The following ADSS1 variants were observed in gnomAD, a reference collection of about 807,000 sequenced individuals.
ADSS1 encodes the protein adenylosuccinate synthetase isozyme 1.
A neutral mutation model predicts 59.1 loss-of-function variants in ADSS1; 57 were observed. The observed-to-expected ratio is 0.97, with a 90% CI of 0.78 to 1.20. The LOEUF (loss-of-function observed/expected upper bound fraction) is 1.20. ADSS1 is among the 50% of genes most tolerant of loss of function. The pLI is 0.00. For synonymous variants in ADSS1, 247 were observed against 249.4 expected (o/e 0.99, Z 0.09); for missense variants, 603 against 610.3 (o/e 0.99, Z 0.13).
At chr14:104,730,771 G>A (rs971356367) in intron 1 of ADSS1, among the ~76,000 whole-genome samples, 1 of 152,046 alleles carries the variant, frequency 6.6e-6, no homozygotes, top group African/African-American at 2.4e-5. Flanking sequence ...TGCCTTCCCT[G>A]GCCCCCAGAG....
At position 104,741,115 on chromosome 14, in the gene ADSS1, A is replaced by G; in HGVS notation, c.667-2A>G. Reference sequence around the variant, plus strand: ...ACTCTGCTGCTTGGCCCTTCCTTGCAGGGCTTTGCTGAGCGGATCAGACCC... The same window carrying G: ...ACTCTGCTGCTTGGCCCTTCCTTGCGGGGCTTTGCTGAGCGGATCAGACCC... On this transcript the variant is annotated splice_acceptor_variant, in intron 7 of 12. Transcript: ENST00000330877. LOFTEE classifies it high-confidence loss of function. 1 of 1,597,326 alleles carries G rather than the reference A, an allele frequency of 6.3e-7. No individual in the cohort carries two copies. Among genetic ancestry groups the G allele is most frequent in the Non-Finnish European group, 8.5e-7 (1 of 1,169,800 alleles).
intron 7 of ADSS1, 82 bp from the exon 8 acceptor site, chr14:104,741,035 T>C: frequency 3.8e-6 from 6 of 1,593,530 alleles, no homozygotes; most frequent in East Asian, 2.2e-5. Context: ...GGCATTGTTA[T>C]GGGCTGGCCA....
At chr14:104,730,591 GAT>G (rs1446820776) in intron 1 of ADSS1, among the ~76,000 whole-genome samples, 3 of 152,116 alleles carry the variant, frequency 2.0e-5, no homozygotes, top group African/African-American at 7.2e-5. Flanking sequence ...GGTGTAGAGA[GAT>G]ATTTACTTAT....
intron 1 of ADSS1, among the ~76,000 whole-genome samples, chr14:104,734,393 G>A (rs992858172): frequency 6.6e-6 from 1 of 152,210 alleles, no homozygotes; most frequent in Non-Finnish European, 1.5e-5. Context: ...GGAAGCGAAG[G>A]CAGTGGCATC....
intron 1 of ADSS1, among the ~76,000 whole-genome samples, chr14:104,732,430 G>A (rs1235994288): frequency 1.3e-5 from 2 of 152,198 alleles, no homozygotes; most frequent in Non-Finnish European, 1.5e-5. Context: ...TGGGGCCATC[G>A]TCCTGGGCTC....
At chr14:104,738,302 C>A in intron 2 of ADSS1, 74 bp from the exon 3 acceptor site, 3 of 1,531,558 alleles carry the variant, frequency 2.0e-6, no homozygotes, top group Non-Finnish European at 2.7e-6. Context: ...CCACCCATTT[C>A]ATGCTGTTCT....
intron 8 of ADSS1, among the ~76,000 whole-genome samples, chr14:104,741,628 T>G (rs529787370): frequency 9.9e-5 from 15 of 152,200 alleles, no homozygotes. Flanking sequence ...GTGGGCAACT[T>G]TCTCCCTCCT....
rs1891285827 is a variant in ADSS1 at position 104,740,092 on chromosome 14, AC to A, written c.476+278del. On this transcript the variant is annotated intron_variant, in intron 5 of 12. Coordinates refer to ENST00000330877, the MANE Select transcript of ADSS1 (RefSeq NM_152328.5). This position sits in a 1 kb window ranked among gnomAD's most constrained non-coding sequence, Gnocchi z 4.8. ...AGCCCTACCGTCACCTGTCACACCC[AC>A]CACCTTTCCTGACTCCACACGGCCC... is the stretch of plus-strand genomic sequence containing the variant. Among the ~76,000 whole-genome samples, 3 of 151,998 alleles carry A rather than the reference AC, an allele frequency of 2.0e-5. No individual in the cohort carries two copies. In the South Asian group the frequency reaches 6.2e-4, roughly 32 times the overall value.
At position 104,740,834 on chromosome 14, in the gene ADSS1, T is replaced by G. The variant is rs200895321; in HGVS notation, c.585-5T>G. Reference sequence around the variant, plus strand: ...AGGGGGTGATGATGACTGTCCCTTGTGCAGATTCAAGAACCTGGCCCACCA... The same window carrying G: ...AGGGGGTGATGATGACTGTCCCTTGGGCAGATTCAAGAACCTGGCCCACCA... On this transcript the variant is annotated splice_region_variant and splice_polypyrimidine_tract_variant and intron_variant, in intron 6 of 12. Transcript: ENST00000330877. The surrounding 1 kb of genome is among the most constrained non-coding windows in gnomAD (Gnocchi z 4.8). 5.5e-4 allele frequency: 882 copies of G among 1,613,884 alleles called. 9 individuals carry two copies. In the South Asian group the frequency reaches 9.1e-3, roughly 17 times the overall value.
At chr14:104,734,472 A>G (rs943677700) in intron 1 of ADSS1, among the ~76,000 whole-genome samples, 1 of 152,198 alleles carries the variant, frequency 6.6e-6, no homozygotes, top group Non-Finnish European at 1.5e-5. Flanking sequence ...GAGCCTGCAC[A>G]TGCTAGTCCC....
rs938452100 is a variant in ADSS1, at chr14:104,724,262, C to T, written c.-9C>T. On this transcript the variant is annotated 5_prime_UTR_variant, in exon 1 of 13. Transcript: ENST00000330877. ...GGCCGGGCCAGCGCAGCGGAAGAGC[C>T]AAGCCAGCATGTCGGGGACCCGAGC... 14 of 1,226,898 alleles carry T rather than the reference C, an allele frequency of 1.1e-5. No homozygotes were observed. The highest frequency in any genetic ancestry group is 1.6e-5 in the African/African-American group (1 of 64,046). The allele number at this position is 1,226,898 out of a possible 1,614,324, so 76.0% of individuals were successfully genotyped here.
In ADSS1 at chr14:104,735,060, AAG is replaced by A. The variant is rs1407492622; in HGVS notation, c.236_237del (p.Glu79ValfsTer32). 6.2e-7 allele frequency: 1 copy of A among 1,613,668 alleles called. No homozygotes were observed. The highest frequency in any genetic ancestry group is 1.7e-5 in the Admixed American group (1 of 60,016). On this transcript the variant is annotated frameshift_variant, in exon 2 of 13. Coordinates refer to ENST00000330877, the MANE Select transcript of ADSS1 (RefSeq NM_152328.5). LOFTEE classifies it high-confidence loss of function. ...GGCCACACGGTGGTGGTGGATGGGAAAGAGTACGACTTCCACCTGCTGCCCAG... is the reference window on the plus strand; with the variant it reads ...GGCCACACGGTGGTGGTGGATGGGAAAGTACGACTTCCACCTGCTGCCCAG...
chr14:104,724,903 T>A (rs1472393571), intron 1 of ADSS1, among the ~76,000 whole-genome samples: 1 of 152,106 alleles, frequency 6.6e-6, no homozygotes, highest in Non-Finnish European at 1.5e-5. Context: ...GGATAGGGCT[T>A]ACCTGGCTCC....
rs755536909 is a variant in ADSS1, at chr14:104,740,666, G to A, written c.542G>A (p.Arg181His). ...TCCAAAGCTGCCCGGACAGGCCTCC[G>A]CATCTGCGACCTCCTGTCAGATTTT... The part of the protein sequence containing the change: ...YSSKAARTGL[R>H]ICDLLSDFDE... Residue 181 changes from arginine (R) to histidine (H), a missense_variant, in exon 6 of 13, where the codon CGC becomes CAC. Arg to His is a conservative substitution (Grantham distance 29). Coordinates refer to ENST00000330877, the MANE Select transcript of ADSS1 (RefSeq NM_152328.5). The surrounding 1 kb of genome is among the most constrained non-coding windows in gnomAD (Gnocchi z 4.8). The A allele has an allele frequency of 1.1e-4, 185 of 1,613,740 alleles. No homozygotes were observed. Among genetic ancestry groups the A allele is most frequent in the Middle Eastern group, 1.6e-4 (1 of 6,084 alleles).
In ADSS1 at chr14:104,743,104, G is replaced by T. The variant is rs144330253; in HGVS notation, c.986G>T (p.Trp329Leu). Residue 329 changes from tryptophan (W) to leucine (L), a missense_variant, in exon 10 of 13, where the codon TGG (tryptophan) becomes TTG (leucine). Physicochemically the swap from Trp to Leu is moderately conservative, Grantham distance 61. Transcript: ENST00000330877. ...GGLLQTRGHE[W>L]GVTTGRKRRC... is the part of the protein sequence containing the mutation. Reference sequence around the variant, plus strand: ...CTGCTGCAGACCCGCGGCCACGAGTGGGGAGTGACCACAGGCAGGAAGAGG... The same window carrying T: ...CTGCTGCAGACCCGCGGCCACGAGTTGGGAGTGACCACAGGCAGGAAGAGG... 4 of 1,613,014 alleles carry T rather than the reference G, an allele frequency of 2.5e-6. No homozygotes were observed. The highest frequency in any genetic ancestry group is 2.7e-5 in the African/African-American group (2 of 74,914).
chr14:104,741,976 G>A lies in ADSS1; in HGVS notation c.922G>A (p.Gly308Arg). The change falls in exon 9 of 13, where the codon GGG becomes AGG. Residue 308 changes from glycine (G) to arginine (R), a missense_variant. By Grantham distance (125) the Gly-to-Arg change is moderately radical (BLOSUM62 -2). Coordinates refer to ENST00000330877, the MANE Select transcript of ADSS1 (RefSeq NM_152328.5). ...AGCCTATACCACACGTGTGGGCATCGGGGCCTTCCCCACCGAGCAGATCAA... is the reference window on the plus strand; with the variant it reads ...AGCCTATACCACACGTGTGGGCATCAGGGCCTTCCCCACCGAGCAGATCAA... ...VKAYTTRVGIGAFPTEQINEI... is the reference protein window; with the variant it reads ...VKAYTTRVGIRAFPTEQINEI... 10 of 1,613,034 alleles carry A rather than the reference G, an allele frequency of 6.2e-6. No individual in the cohort carries two copies. The highest frequency in any genetic ancestry group is 2.2e-5 in the East Asian group (1 of 44,888).
At chr14:104,736,215 C>T (rs1044876580) in intron 2 of ADSS1, among the ~76,000 whole-genome samples, 4 of 152,232 alleles carry the variant, frequency 2.6e-5, no homozygotes, top group Non-Finnish European at 5.9e-5. Flanking sequence ...CCCTAGTTCA[C>T]AGCAGGGAGG....
chr14:104,734,883 G>C, intron 1 of ADSS1, 137 bp from the exon 2 acceptor site: 1 of 686,056 alleles, frequency 1.5e-6, no homozygotes, highest in Non-Finnish European at 2.6e-6. Context: ...ACGCATCAGA[G>C]CTGGCCACCA....
At chr14:104,742,683 G>A (rs1370959237) in intron 9 of ADSS1, among the ~76,000 whole-genome samples, 1 of 152,238 alleles carries the variant, frequency 6.6e-6, no homozygotes, top group Non-Finnish European at 1.5e-5. Context: ...TACATATCGG[G>A]AGATACACAC....
Sources: gnomAD v4.1 joint callset for allele counts (sites outside exome capture counted in the v4.1 genomes callset) on GRCh38, gnomAD v4.1.1 for gene constraint, Gnocchi (gnomAD v3.1) non-coding constraint, MANE v1.5 for transcripts, NCBI Gene and HGNC (gene_info 2026-07-23, HGNC 2026-07-21) for gene names.